Variants in CCDC69 observed in about 807,000 individuals in gnomAD.
The protein encoded by CCDC69 is coiled-coil domain-containing protein 69.
CCDC69 carries 38 observed loss-of-function variants against 40.3 expected under a neutral mutation model. That is an observed-to-expected ratio of 0.94 (90% CI 0.73 to 1.24). The LOEUF is 1.24. Ranked by LOEUF, CCDC69 falls within the 50% of genes most tolerant of loss-of-function variation. CCDC69 has a pLI of 0.00. For synonymous variants in CCDC69, 141 were observed against 138.9 expected (o/e 1.02, Z -0.11); for missense variants, 389 against 357.9 (o/e 1.09, Z -0.70).
chr5:151,203,486 G>C lies in CCDC69; in HGVS notation c.125-1798C>G, dbSNP rs1752804634. ...GATCCTGCCACTACACTCCAGCCTG[G>C]CAACAAGAGTGAAACTCCGTCTCAA... On this transcript the variant is annotated intron_variant, in intron 2 of 8. Transcript: ENST00000355417. Among the ~76,000 whole-genome samples, 5 of 148,962 alleles carry C rather than the reference G, an allele frequency of 3.4e-5. No homozygotes were observed. In the South Asian group the frequency reaches 1.0e-3, roughly 31 times the overall value.
intron 6 of CCDC69, 60 bp downstream of exon 6, chr5:151,185,963 C>T (rs372669858): frequency 3.9e-5 from 45 of 1,167,774 alleles, no homozygotes; most frequent in African/African-American, 3.8e-4. Flanking sequence ...TTTCCTGTTG[C>T]CCGGCCCTGA....
chr5:151,217,308 C>T (rs1043429921), intron 1 of CCDC69, among the ~76,000 whole-genome samples: 41 of 152,072 alleles, frequency 2.7e-4, no homozygotes, highest in Non-Finnish European at 5.6e-4. Flanking sequence ...CCTGTCCAGG[C>T]ACCTCCTTGT....
At chr5:151,204,007 A>T (rs1752818239) in intron 2 of CCDC69, among the ~76,000 whole-genome samples, 1 of 150,188 alleles carries the variant, frequency 6.7e-6, no homozygotes, top group Admixed American at 6.7e-5. Context: ...GGTCCCTAGA[A>T]TCTGCATCTT....
rs1198854647 is a variant in CCDC69 at position 151,183,277 on chromosome 5, C to T, written c.*160G>A. On this transcript the variant is annotated 3_prime_UTR_variant, in exon 9 of 9. Coordinates refer to ENST00000355417, the MANE Select transcript of CCDC69 (RefSeq NM_015621.3). ...ACCCTGTGGGTGATTCCATGTAACTCAAGGCCCCAGGGCTCACTGGGCACA... is the reference window on the plus strand; with the variant it reads ...ACCCTGTGGGTGATTCCATGTAACTTAAGGCCCCAGGGCTCACTGGGCACA... The T allele has an allele frequency of 2.4e-6, 2 of 845,578 alleles. No individual in the cohort carries two copies. Among genetic ancestry groups the T allele is most frequent in the Non-Finnish European group, 4.0e-6 (2 of 505,552 alleles). 52.4% of individuals were successfully genotyped at this position (845,578 alleles called of 1,614,324 possible).
At chr5:151,212,963 G>A in intron 1 of CCDC69, 1 of 447,606 alleles carries the variant, frequency 2.2e-6, no homozygotes. Context: ...TGCAAGAAGA[G>A]GTTGGAGAGT....
At chr5:151,223,883 C>T (rs248461) in intron 1 of CCDC69, 40 bp downstream of exon 1, 6 of 1,584,678 alleles carry the variant, frequency 3.8e-6, no homozygotes, top group South Asian at 2.2e-5. Context: ...CCGCACTCCC[C>T]TCTCCTCTGA....
chr5:151,186,412 G>A (rs1354442884), intron 5 of CCDC69, among the ~76,000 whole-genome samples: 3 of 146,784 alleles, frequency 2.0e-5, no homozygotes, highest in Admixed American at 6.8e-5. Flanking sequence ...AGATAGGGAG[G>A]GGAAGGGAGG....
chr5:151,217,975 T>C (rs1346989952), intron 1 of CCDC69, among the ~76,000 whole-genome samples: 2 of 148,082 alleles, frequency 1.4e-5, no homozygotes, highest in African/African-American at 5.1e-5. Flanking sequence ...ACAAAGGTCA[T>C]TGTACACTCA....
At chr5:151,184,022 A>G (rs1284648085) in intron 8 of CCDC69, among the ~76,000 whole-genome samples, 1 of 152,240 alleles carries the variant, frequency 6.6e-6, no homozygotes, top group Non-Finnish European at 1.5e-5. Flanking sequence ...TTATTTACTA[A>G]GCCCTAAGAA....
At chr5:151,210,347 T>C (rs1752915838) in intron 1 of CCDC69, among the ~76,000 whole-genome samples, 2 of 151,984 alleles carry the variant, frequency 1.3e-5, no homozygotes, top group Non-Finnish European at 2.9e-5. Flanking sequence ...AGTTCGAGAC[T>C]AGCCTGGCCA....
chr5:151,186,467 G>A lies in CCDC69; in HGVS notation c.394-343C>T, dbSNP rs1022981762. On this transcript the variant is annotated intron_variant, in intron 5 of 8. Transcript: ENST00000355417. ...AGAGGGAGGGAGAAGGAGAAGGAGAGGGAGAAGGAGAGGAGATGAAAGGAA... is the reference window on the plus strand; with the variant it reads ...AGAGGGAGGGAGAAGGAGAAGGAGAAGGAGAAGGAGAGGAGATGAAAGGAA... 2.1e-4 allele frequency among the ~76,000 whole-genome samples: 32 copies of A among 151,918 alleles called. No homozygotes were observed. The South Asian group carries it at 5.6e-3, about 27-fold the overall frequency.
intron 4 of CCDC69, among the ~76,000 whole-genome samples, chr5:151,190,154 G>C (rs2113986437): frequency 6.6e-6 from 1 of 152,314 alleles, no homozygotes; most frequent in Non-Finnish European, 1.5e-5. Flanking sequence ...TGTAGGAAGA[G>C]TAACAGAACT....
intron 2 of CCDC69, among the ~76,000 whole-genome samples, chr5:151,203,596 A>G (rs1246545442): frequency 1.4e-5 from 2 of 141,886 alleles, no homozygotes; most frequent in South Asian, 2.1e-4. Context: ...ATATATTTAT[A>G]TATTAGTAAA....
At chr5:151,187,309 C>T in intron 5 of CCDC69, 77 bp downstream of exon 5, 1 of 1,361,070 alleles carries the variant, frequency 7.3e-7, no homozygotes, top group Non-Finnish European at 1.0e-6. Flanking sequence ...GTTTTGGCTG[C>T]CTTGGGGCTC....
At chr5:151,187,353 T>G (rs1435702253) in intron 5 of CCDC69, 33 bp downstream of exon 5, 2 of 1,599,284 alleles carry the variant, frequency 1.3e-6, no homozygotes, top group African/African-American at 1.3e-5. Context: ...CACTTACCCT[T>G]ATCCAAGACT....
At chr5:151,220,023 A>T (rs1364875867) in intron 1 of CCDC69, among the ~76,000 whole-genome samples, 1 of 152,078 alleles carries the variant, frequency 6.6e-6, no homozygotes. Flanking sequence ...CAGAGAAAAA[A>T]ACTGCTTTCC....
At position 151,220,990 on chromosome 5, in the gene CCDC69, GT is replaced by G. The variant is rs1187213822; in HGVS notation, c.48+2932del. On this transcript the variant is annotated intron_variant, in intron 1 of 8. Coordinates refer to ENST00000355417, the MANE Select transcript of CCDC69 (RefSeq NM_015621.3). ...GCCATGGTCTTTGCCAAGAAGAAGGGTTTAGGCAGGACCACACGATCCAGAT... is the reference window on the plus strand; with the variant it reads ...GCCATGGTCTTTGCCAAGAAGAAGGGTTAGGCAGGACCACACGATCCAGAT... Among the ~76,000 whole-genome samples, 4 of 152,198 alleles carry G rather than the reference GT, an allele frequency of 2.6e-5. No homozygotes were observed. The East Asian group carries it at 7.7e-4, about 29-fold the overall frequency.
chr5:151,194,692 A>AGACCAGCCT, intron 4 of CCDC69, among the ~76,000 whole-genome samples: 1 of 152,184 alleles, frequency 6.6e-6, no homozygotes. Context: ...CAGGAGTTGA[A>AGACCAGCCT]GACCAGCCTG....
intron 4 of CCDC69, among the ~76,000 whole-genome samples, chr5:151,196,458 C>T (rs1481477013): frequency 6.6e-6 from 1 of 152,042 alleles, no homozygotes; most frequent in Non-Finnish European, 1.5e-5. Flanking sequence ...CACCCAGCCA[C>T]AGCCATGTTT....
Sources: allele counts gnomAD v4.1 joint callset (sites outside exome capture counted in the v4.1 genomes callset), GRCh38; gene constraint gnomAD v4.1.1; transcripts MANE v1.5; gene names NCBI Gene and HGNC (gene_info 2026-07-23, HGNC 2026-07-21).